NTRK2: variants seen among roughly 807,000 people sequenced by gnomAD.
NTRK2 encodes the protein neurotrophic receptor tyrosine kinase 2.
Under a neutral mutation model 94.5 loss-of-function variants are expected in NTRK2, and 13 were observed. The observed-to-expected ratio is 0.14, with a 90% CI of 0.09 to 0.22. The LOEUF (loss-of-function observed/expected upper bound fraction) is 0.22, where lower values mean the gene tolerates loss of function less well. NTRK2 is among the 10% of genes least tolerant of loss of function. NTRK2 has a pLI of 1.00. For synonymous variants in NTRK2, 372 were observed against 407.4 expected (o/e 0.91, Z 1.05); for missense variants, 639 against 1,071.2 (o/e 0.60, Z 5.63).
intron 17 of NTRK2, among the ~76,000 whole-genome samples, chr9:85,005,026 T>C (rs1047672873): frequency 6.6e-6 from 1 of 152,216 alleles, no homozygotes; most frequent in Non-Finnish European, 1.5e-5. Flanking sequence ...ATCCCTCTGC[T>C]GCTGTTTTCT....
Position 84,764,859 on chromosome 9 carries a change from A to G in NTRK2, c.1396+12774A>G, listed in dbSNP as rs921441759. Among the ~76,000 whole-genome samples the G allele has an allele frequency of 3.9e-5, 6 of 152,224 alleles. No homozygotes were observed. The South Asian group carries it at 8.3e-4, about 21-fold the overall frequency. ...AAAGAAACTGTGGTGCTTGTACACA[A>G]TAGAGTACTATTCAGCCATAAAAAG... On this transcript the variant is annotated intron_variant, in intron 12 of 18. Transcript: ENST00000277120.
chr9:84,723,646 T>C lies in NTRK2; in HGVS notation c.657T>C (p.Ser219=). ...GAAAGTCTATCACATTATCCTGTAGTGTGGCAGGTGATCCGGTTCCTAATA... is the reference window on the plus strand; with the variant it reads ...GAAAGTCTATCACATTATCCTGTAGCGTGGCAGGTGATCCGGTTCCTAATA... ...EEGKSITLSC[S]VAGDPVPNMY... Residue 219 remains serine (S), a synonymous_variant, in exon 7 of 19, where the codon AGT becomes AGC. Coordinates refer to ENST00000277120, the MANE Select transcript of NTRK2 (RefSeq NM_006180.6). 1.2e-6 allele frequency: 2 copies of C among 1,614,104 alleles called. No homozygotes were observed. The highest frequency in any genetic ancestry group is 1.1e-5 in the South Asian group (1 of 91,070).
chr9:84,870,624 A>G (rs2075828563), intron 14 of NTRK2, among the ~76,000 whole-genome samples: 1 of 151,804 alleles, frequency 6.6e-6, no homozygotes, highest in Non-Finnish European at 1.5e-5. Flanking sequence ...AAGGGAGGGA[A>G]TGCAGGCATG....
intron 12 of NTRK2, among the ~76,000 whole-genome samples, chr9:84,847,895 A>C (rs553921985): frequency 6.6e-6 from 1 of 152,324 alleles, no homozygotes; most frequent in Admixed American, 6.5e-5. Context: ...CTGCCATGAC[A>C]AAAACAGACT....
chr9:84,685,987 A>G (rs1304863694), intron 2 of NTRK2, among the ~76,000 whole-genome samples: 1 of 152,214 alleles, frequency 6.6e-6, no homozygotes, highest in African/African-American at 2.4e-5. Flanking sequence ...TCTGTGTTAC[A>G]CAAATACACA....
At chr9:84,756,291 C>T (rs1280903347) in intron 12 of NTRK2, among the ~76,000 whole-genome samples, 1 of 152,270 alleles carries the variant, frequency 6.6e-6, no homozygotes. Context: ...TGTGTTGTAA[C>T]CAAGTCTTGT....
intron 14 of NTRK2, among the ~76,000 whole-genome samples, chr9:84,909,751 C>T (rs943923349): frequency 1.3e-5 from 2 of 151,910 alleles, no homozygotes; most frequent in Non-Finnish European, 2.9e-5. Flanking sequence ...TCTCTTCATC[C>T]CTTTTCTTCA....
chr9:85,000,660 C>T (rs1830236465), intron 17 of NTRK2, among the ~76,000 whole-genome samples: 1 of 152,146 alleles, frequency 6.6e-6, no homozygotes, highest in South Asian at 2.1e-4. Flanking sequence ...ATCCATTCGC[C>T]TACTGAAGGA....
At chr9:84,837,303 G>C (rs757933278) in intron 12 of NTRK2, among the ~76,000 whole-genome samples, 8 of 152,078 alleles carry the variant, frequency 5.3e-5, no homozygotes, top group Non-Finnish European at 1.0e-4. Context: ...TTGAAACTAG[G>C]GGGTTTGGCT....
At chr9:84,753,696 G>T (rs761748293) in intron 12 of NTRK2, among the ~76,000 whole-genome samples, 5 of 152,200 alleles carry the variant, frequency 3.3e-5, no homozygotes, top group Admixed American at 6.5e-5. Context: ...GCATTTGGCG[G>T]TTCTCATGTT....
chr9:84,813,347 A>G, intron 12 of NTRK2: 1 of 1,030,566 alleles, frequency 9.7e-7, no homozygotes, highest in Non-Finnish European at 1.2e-6. Context: ...TTCGTGTGAA[A>G]TGTCCCGATT....
chr9:84,685,678 A>G (rs574841222), intron 2 of NTRK2, among the ~76,000 whole-genome samples: 1 of 152,198 alleles, frequency 6.6e-6, no homozygotes, highest in South Asian at 2.1e-4. Flanking sequence ...CTACTGAGCT[A>G]TATTCTCACT....
At chr9:85,013,146 C>T (rs1476900371) in intron 17 of NTRK2, among the ~76,000 whole-genome samples, 1 of 152,112 alleles carries the variant, frequency 6.6e-6, no homozygotes, top group Non-Finnish European at 1.5e-5. Context: ...GGCAGAAAAG[C>T]CTGTTTCTAC....
intron 9 of NTRK2, among the ~76,000 whole-genome samples, chr9:84,729,275 G>T (rs753481242): frequency 7.2e-5 from 11 of 152,216 alleles, no homozygotes; most frequent in Non-Finnish European, 1.5e-4. Flanking sequence ...TGGAATATGT[G>T]TTTGATTTAT....
At chr9:84,871,927 A>T in intron 14 of NTRK2, 1 of 1,608,496 alleles carries the variant, frequency 6.2e-7, no homozygotes, top group Non-Finnish European at 8.5e-7. Flanking sequence ...TTCTGGCCAG[A>T]CAACATCTTG....
At chr9:84,793,380 T>C (rs1335446751) in intron 12 of NTRK2, among the ~76,000 whole-genome samples, 1 of 152,168 alleles carries the variant, frequency 6.6e-6, no homozygotes, top group African/African-American at 2.4e-5. Flanking sequence ...TTGATTGCTG[T>C]CGGCATAACC....
chr9:85,000,392 T>G (rs1318171127), intron 17 of NTRK2, among the ~76,000 whole-genome samples: 1 of 152,202 alleles, frequency 6.6e-6, no homozygotes, highest in Non-Finnish European at 1.5e-5. Flanking sequence ...GTGTGTCTCC[T>G]ATTCATCCTT....
chr9:84,916,795 T>C (rs112758085), intron 14 of NTRK2, among the ~76,000 whole-genome samples: 4,065 of 152,308 alleles, frequency 0.027, 77 homozygotes, highest in Admixed American at 0.039. Flanking sequence ...GCTTAGCTGA[T>C]CTATATTGTT....
At chr9:84,777,762 A>G (rs550575041) in intron 12 of NTRK2, among the ~76,000 whole-genome samples, 1 of 152,324 alleles carries the variant, frequency 6.6e-6, no homozygotes, top group East Asian at 1.9e-4. Flanking sequence ...AGCCATTGCA[A>G]AACAGTCATA....
Sources: allele counts gnomAD v4.1 joint callset (sites outside exome capture counted in the v4.1 genomes callset), GRCh38; gene constraint gnomAD v4.1.1; transcripts MANE v1.5; gene names NCBI Gene and HGNC (gene_info 2026-07-23, HGNC 2026-07-21).